The following CACNA2D3 variants were observed in gnomAD, a reference collection of about 807,000 sequenced individuals.
CACNA2D3 encodes the protein voltage-dependent calcium channel subunit alpha-2/delta-3.
A neutral mutation model predicts 160.6 loss-of-function variants in CACNA2D3; 60 were observed. The ratio of observed to expected loss-of-function variants is 0.37; its 90% CI spans 0.30 to 0.46. CACNA2D3 has a LOEUF of 0.46. CACNA2D3 is among the 20% of genes least tolerant of loss of function. The pLI is 1.00. For missense variants in CACNA2D3, 1,205 were observed against 1,365.0 expected (o/e 0.88, Z 1.85); for synonymous variants, 558 against 492.9 (o/e 1.13, Z -1.75).
chr3:54,574,964 T>C (rs1702557854), intron 8 of CACNA2D3, among the ~76,000 whole-genome samples: 1 of 152,278 alleles, frequency 6.6e-6, no homozygotes, highest in African/African-American at 2.4e-5. Context: ...GCTTTGCCGC[T>C]GTGGATTTGC....
intron 11 of CACNA2D3, among the ~76,000 whole-genome samples, chr3:54,708,177 G>A (rs935266083): frequency 6.6e-6 from 1 of 152,172 alleles, no homozygotes; most frequent in African/African-American, 2.4e-5. Flanking sequence ...AAACCATCCA[G>A]TGAAACTTTT....
intron 18 of CACNA2D3, chr3:54,878,740 A>G (rs1699721878): frequency 3.5e-6 from 1 of 283,518 alleles, no homozygotes; most frequent in Admixed American, 5.2e-5. Flanking sequence ...CCAGGAGTTC[A>G]CGCTCTGACC....
At chr3:54,506,896 G>T (rs188256749) in intron 5 of CACNA2D3, among the ~76,000 whole-genome samples, 3 of 152,296 alleles carry the variant, frequency 2.0e-5, no homozygotes, top group Non-Finnish European at 4.4e-5. Context: ...TGATGATCTG[G>T]CAGAGAATTC....
At chr3:54,996,618 T>C (rs1702864189) in intron 31 of CACNA2D3, among the ~76,000 whole-genome samples, 1 of 152,168 alleles carries the variant, frequency 6.6e-6, no homozygotes, top group African/African-American at 2.4e-5. Context: ...GTTTATCAAA[T>C]CAGTGCTGCT....
chr3:54,330,817 A>T (rs1704231802), intron 3 of CACNA2D3, among the ~76,000 whole-genome samples: 2 of 152,162 alleles, frequency 1.3e-5, no homozygotes, highest in South Asian at 4.1e-4. Context: ...GGCTCAGTGG[A>T]TCCATTCCCT....
In CACNA2D3 at chr3:54,289,974, T is replaced by A. The variant is rs902664720; in HGVS notation, c.205-30468T>A. On this transcript the variant is annotated intron_variant, in intron 2 of 37. Transcript: ENST00000474759. Reference sequence around the variant, plus strand: ...AAAACCCTAGAAGAAAACGTAGGCATTACCATTCAGGACATAGGCATGGGC... The same window carrying A: ...AAAACCCTAGAAGAAAACGTAGGCAATACCATTCAGGACATAGGCATGGGC... Among the ~76,000 whole-genome samples the A allele has an allele frequency of 3.3e-5, 5 of 151,508 alleles. No individual in the cohort carries two copies. The East Asian group carries it at 7.8e-4, about 24-fold the overall frequency.
chr3:54,227,680 G>C (rs928864825), intron 2 of CACNA2D3, among the ~76,000 whole-genome samples: 8 of 151,940 alleles, frequency 5.3e-5, no homozygotes, highest in Non-Finnish European at 1.0e-4. Context: ...TCAGCCTCCC[G>C]AGTAGCTGGG....
chr3:54,330,331 G>T (rs910215146), intron 3 of CACNA2D3, among the ~76,000 whole-genome samples: 1 of 151,872 alleles, frequency 6.6e-6, no homozygotes, highest in African/African-American at 2.4e-5. Context: ...GGAGCATTTC[G>T]TGAGTGTGTT....
intron 11 of CACNA2D3, among the ~76,000 whole-genome samples, chr3:54,686,515 T>C (rs969476996): frequency 2.0e-5 from 3 of 152,236 alleles, no homozygotes; most frequent in Admixed American, 2.0e-4. Flanking sequence ...CGTTTGAATG[T>C]CTTCCCAATT....
intron 13 of CACNA2D3, among the ~76,000 whole-genome samples, chr3:54,765,225 A>T (rs1451320797): frequency 1.3e-5 from 2 of 152,080 alleles, no homozygotes; most frequent in African/African-American, 2.4e-5. Flanking sequence ...CTACAGGCAA[A>T]CTCAGGGCAG....
At chr3:54,618,385 A>ATG (rs1322995116) in intron 9 of CACNA2D3, among the ~76,000 whole-genome samples, 29 of 145,074 alleles carry the variant, frequency 2.0e-4, no homozygotes, top group Admixed American at 1.5e-3. Flanking sequence ...GCACACACAC[A>ATG]CACACACACA....
In CACNA2D3 at chr3:54,880,872, C is replaced by A; in HGVS notation, c.1912+9C>A. The stretch of plus-strand genomic sequence containing the variant: ...TGTAACCATCGAAGAAGGTAAGATA[C>A]TGCCTGGCTCGTCTTATCCTTTGGT... On this transcript the variant is annotated intron_variant, in intron 21 of 37. Coordinates refer to ENST00000474759, the MANE Select transcript of CACNA2D3 (RefSeq NM_018398.3). 1.9e-6 allele frequency: 3 copies of A among 1,612,004 alleles called. No homozygotes were observed. Among genetic ancestry groups the A allele is most frequent in the South Asian group, 1.1e-5 (1 of 91,028 alleles).
At chr3:54,792,437 T>C (rs556889344) in intron 13 of CACNA2D3, among the ~76,000 whole-genome samples, 44 of 152,296 alleles carry the variant, frequency 2.9e-4, no homozygotes, top group Middle Eastern at 3.4e-3. Context: ...GCCAGACTTG[T>C]GTGATTAAGG....
intron 10 of CACNA2D3, among the ~76,000 whole-genome samples, chr3:54,630,327 C>A (rs1699207999): frequency 6.6e-6 from 1 of 152,142 alleles, no homozygotes; most frequent in African/African-American, 2.4e-5. Flanking sequence ...CCTCTATTTT[C>A]TGTTCCTTTC....
At chr3:54,521,375 G>T (rs1205910099) in intron 5 of CACNA2D3, among the ~76,000 whole-genome samples, 1 of 152,022 alleles carries the variant, frequency 6.6e-6, no homozygotes, top group African/African-American at 2.4e-5. Context: ...TAGATCCTTT[G>T]TTCATCTTTA....
intron 4 of CACNA2D3, among the ~76,000 whole-genome samples, chr3:54,425,649 T>G (rs2106761035): frequency 6.6e-6 from 1 of 152,284 alleles, no homozygotes; most frequent in Admixed American, 6.5e-5. Flanking sequence ...CCTCTGAAAT[T>G]TAGGTAAATC....
chr3:54,407,744 G>T (rs1699601987), intron 4 of CACNA2D3, among the ~76,000 whole-genome samples: 1 of 152,156 alleles, frequency 6.6e-6, no homozygotes, highest in African/African-American at 2.4e-5. Context: ...GGTCAAATGA[G>T]AGTGGAAGAA....
chr3:54,838,847 C>G (rs1342643532), intron 16 of CACNA2D3, among the ~76,000 whole-genome samples, 199 bp downstream of exon 16: 2 of 151,940 alleles, frequency 1.3e-5, no homozygotes, highest in Admixed American at 1.3e-4. Flanking sequence ...TGCTGTTTTT[C>G]TTATTTACCT....
intron 24 of CACNA2D3, among the ~76,000 whole-genome samples, chr3:54,888,521 T>C (rs1288025977): frequency 6.6e-6 from 1 of 152,178 alleles, no homozygotes; most frequent in Non-Finnish European, 1.5e-5. Flanking sequence ...TGGTAGTTGA[T>C]ATCAAAGACT....
Sources: allele counts gnomAD v4.1 joint callset (sites outside exome capture counted in the v4.1 genomes callset), GRCh38; gene constraint gnomAD v4.1.1; transcripts MANE v1.5; gene names NCBI Gene and HGNC (gene_info 2026-07-23, HGNC 2026-07-21).